Variants in AOPEP observed in about 807,000 individuals in gnomAD.
AOPEP encodes the protein aminopeptidase O.
In AOPEP, 77 loss-of-function variants were observed where a neutral mutation model predicts 98.1. The observed-to-expected ratio is 0.78, with a 90% CI of 0.65 to 0.95. The LOEUF is 0.95. Ranked by LOEUF, AOPEP falls within the 40% of genes least tolerant of loss-of-function variation. The pLI is 0.00. For missense variants in AOPEP, 1,024 were observed against 1,024.7 expected (o/e 1.00, Z 0.01); for synonymous variants, 346 against 365.3 (o/e 0.95, Z 0.60).
chr9:95,047,565 A>G (rs1587785471), intron 13 of AOPEP, among the ~76,000 whole-genome samples: 1 of 152,340 alleles, frequency 6.6e-6, no homozygotes, highest in East Asian at 1.9e-4. Context: ...TGCCCTGATC[A>G]GTTCCCTTCC....
intron 11 of AOPEP, among the ~76,000 whole-genome samples, chr9:94,988,273 C>T (rs7024881): frequency 0.041 from 6,309 of 152,204 alleles, 443 homozygotes; most frequent in African/African-American, 0.14. Context: ...GCAGCTGATG[C>T]ACCCAAATCC....
At chr9:95,087,748 G>A (rs2070804179), downstream of AOPEP, among the ~76,000 whole-genome samples, 1 of 152,152 alleles carries the variant, frequency 6.6e-6, no homozygotes, top group Non-Finnish European at 1.5e-5. Context: ...ACAGAAGCTG[G>A]GCACTGAGCT....
chr9:95,080,822 G>C, intron 15 of AOPEP, 42 bp downstream of exon 15: 1 of 1,303,778 alleles, frequency 7.7e-7, no homozygotes, highest in Middle Eastern at 1.8e-4. Context: ...TGTAAAGGCT[G>C]TCCCTGCACT....
At chr9:95,091,479 G>C (rs2070865983), downstream of AOPEP, among the ~76,000 whole-genome samples, 1 of 152,204 alleles carries the variant, frequency 6.6e-6, no homozygotes, top group South Asian at 2.1e-4. Flanking sequence ...CTCACTCTGT[G>C]CAGGGCCCAG....
chr9:94,800,985 A>C lies in AOPEP; in HGVS notation c.1347A>C (p.Pro449=). The part of the protein sequence containing the change: ...LDVLIVPANF[P]SLGMASPHIM... ...TTCTCATCGTCCCTGCCAACTTTCC[A>C]AGTCTGGGGATGGCCAGGTATGTTG... is the stretch of plus-strand genomic sequence containing the variant. Residue 449 remains proline (P), a synonymous_variant, in exon 5 of 17, where the codon CCA becomes CCC. Transcript: ENST00000375315. The C allele has an allele frequency of 6.2e-7, 1 of 1,614,122 alleles. No individual in the cohort carries two copies. Among genetic ancestry groups the C allele is most frequent in the South Asian group, 1.1e-5 (1 of 91,082 alleles).
At chr9:95,149,956 T>A in the AOPEP span, 3 of 1,611,154 alleles carry the variant, frequency 1.9e-6, no homozygotes, top group African/African-American at 1.3e-5. Context: ...CTCAAAGAAC[T>A]CTGGCTGGAG....
the AOPEP span, chr9:95,099,439 C>T: frequency 4.0e-5 from 9 of 226,888 alleles, no homozygotes; most frequent in Non-Finnish European, 7.8e-5. Context: ...CACGCCGCGT[C>T]CCCGCCCAGC....
chr9:95,027,887 A>G (rs192863983), intron 13 of AOPEP, among the ~76,000 whole-genome samples: 134 of 152,278 alleles, frequency 8.8e-4, no homozygotes, highest in Middle Eastern at 3.4e-3. Context: ...AAGTGAACCT[A>G]TTTTTCTAAA....
chr9:94,861,038 T>C (rs562013533), intron 5 of AOPEP, among the ~76,000 whole-genome samples: 18 of 152,286 alleles, frequency 1.2e-4, no homozygotes, highest in African/African-American at 3.4e-4. Context: ...GTGCTGACAA[T>C]GCTATGAGAT....
At chr9:95,073,918 T>A (rs2068770508) in intron 14 of AOPEP, among the ~76,000 whole-genome samples, 1 of 152,162 alleles carries the variant, frequency 6.6e-6, no homozygotes, top group African/African-American at 2.4e-5. Context: ...AAGGAAAGTG[T>A]TGGGAAATAA....
chr9:95,135,141 C>A, the AOPEP span, among the ~76,000 whole-genome samples: 1 of 152,154 alleles, frequency 6.6e-6, no homozygotes, highest in Non-Finnish European at 1.5e-5. Context: ...ATCAAGTAAA[C>A]CTCAGATCTC....
In AOPEP at chr9:94,955,904, C is replaced by T. The variant is rs374165876; in HGVS notation, c.1765-4C>T. On this transcript the variant is annotated splice_polypyrimidine_tract_variant and splice_region_variant and intron_variant, in intron 8 of 16. Transcript: ENST00000375315. ...TTTTTCTCTCTCTTTTTTCTTTCTT[C>T]TAGGGCTACTTCCTTCTTCGGTTTC... 1.2e-6 allele frequency: 2 copies of T among 1,601,502 alleles called. No homozygotes were observed. The highest frequency in any genetic ancestry group is 1.7e-5 in the Admixed American group (1 of 59,434).
At chr9:94,942,360 G>A (rs993431945) in intron 7 of AOPEP, among the ~76,000 whole-genome samples, 2 of 152,000 alleles carry the variant, frequency 1.3e-5, no homozygotes, top group African/African-American at 4.8e-5. Context: ...TTTAGTTTGT[G>A]TTTTGGCCAA....
At chr9:95,124,831 A>C in the AOPEP span, among the ~76,000 whole-genome samples, 1 of 152,216 alleles carries the variant, frequency 6.6e-6, no homozygotes, top group Non-Finnish European at 1.5e-5. Flanking sequence ...CTCCAGGGCC[A>C]TGCATGCTGG....
the AOPEP span, among the ~76,000 whole-genome samples, chr9:95,103,234 G>C: frequency 3.9e-5 from 6 of 152,082 alleles, no homozygotes; most frequent in South Asian, 1.0e-3. Context: ...ATCCAACCTT[G>C]CATCTTCCTT....
At chr9:95,084,845 A>G (rs1228204136) in intron 16 of AOPEP, among the ~76,000 whole-genome samples, 1 of 149,574 alleles carries the variant, frequency 6.7e-6, no homozygotes, top group African/African-American at 2.5e-5. Context: ...CAGCAGGGGG[A>G]CCTCCTGACT....
intron 2 of AOPEP, 56 bp downstream of exon 2, chr9:94,760,636 G>C: frequency 8.6e-6 from 12 of 1,397,004 alleles, no homozygotes; most frequent in Non-Finnish European, 1.2e-5. Context: ...ACGCTGCGGG[G>C]ATGCTTTCAA....
In AOPEP at chr9:95,014,482, A is replaced by G. The variant is rs373288853; in HGVS notation, c.2115+8866A>G. 1.1e-4 allele frequency among the ~76,000 whole-genome samples: 16 copies of G among 152,238 alleles called. No individual in the cohort carries two copies. The East Asian group carries it at 1.3e-3, about 13-fold the overall frequency. ...GCAAGACCCTGTTTCAAAAAAAAAA[A>G]AGAGAAAAGAAACTTAAGAGTACTT... On this transcript the variant is annotated intron_variant, in intron 13 of 16. Coordinates refer to ENST00000375315, the MANE Select transcript of AOPEP (RefSeq NM_001193329.3).
intron 1 of AOPEP, among the ~76,000 whole-genome samples, chr9:94,736,099 G>A (rs970630693): frequency 1.1e-4 from 16 of 152,186 alleles, no homozygotes; most frequent in Non-Finnish European, 2.1e-4. Context: ...TTTGCTGTGC[G>A]TATGTTTTTT....
Sources: gnomAD v4.1 joint callset for allele counts (sites outside exome capture counted in the v4.1 genomes callset) on GRCh38, gnomAD v4.1.1 for gene constraint, MANE v1.5 for transcripts, NCBI Gene and HGNC (gene_info 2026-07-23, HGNC 2026-07-21) for gene names.